SPATA13: variants seen among roughly 807,000 people sequenced by gnomAD.
SPATA13 encodes spermatogenesis associated 13.
A neutral mutation model predicts 104.0 loss-of-function variants in SPATA13; 50 were observed. The observed-to-expected ratio is 0.48, with a 90% CI of 0.38 to 0.61. The LOEUF (loss-of-function observed/expected upper bound fraction) is 0.61, where lower values mean the gene tolerates loss of function less well. Among genes scored for constraint, SPATA13 ranks in the 20% least tolerant of loss-of-function variants. The pLI is 0.00. For synonymous variants in SPATA13, 606 were observed against 667.5 expected, an observed-to-expected ratio of 0.91 and a Z score of 1.42; for missense variants, 1,524 against 1,690.6, an observed-to-expected ratio of 0.90 and a Z score of 1.73.
intron 3 of SPATA13, among the ~76,000 whole-genome samples, chr13:24,084,157 C>T (rs557439549): frequency 1.1e-4 from 17 of 152,258 alleles, no homozygotes; most frequent in East Asian, 9.6e-4. Context: ...AATTATCTTC[C>T]GTAACTTAGC....
At chr13:24,185,723 AG>A (rs1869101683) in intron 1 of SPATA13, among the ~76,000 whole-genome samples, 1 of 90,574 alleles carries the variant, frequency 1.1e-5, no homozygotes, top group African/African-American at 3.5e-5. Context: ...AAATAGATGC[AG>A]TTTTTTTTTT....
rs74040654 is a variant in SPATA13, at chr13:24,284,935, A to G, written c.2301+664A>G. On this transcript the variant is annotated intron_variant, in intron 5 of 12. Transcript: ENST00000382108. ...AAGATGTCTAATTACTGGCTGGCGA[A>G]TGGCAGAGCTGGAGGCACCCATGTA... 7.0e-3 allele frequency among the ~76,000 whole-genome samples: 1,072 copies of G among 152,284 alleles called. 14 individuals carry two copies. The highest frequency in any genetic ancestry group is 0.025 in the African/African-American group (1,030 of 41,564).
intron 1 of SPATA13, among the ~76,000 whole-genome samples, chr13:24,206,123 C>T (rs904046551): frequency 2.2e-4 from 33 of 152,080 alleles, no homozygotes; most frequent in Admixed American, 5.9e-4. Context: ...AAGAAACCAA[C>T]AGTGTGAAGA....
intron 12 of SPATA13, among the ~76,000 whole-genome samples, chr13:24,301,045 G>A (rs564929038): frequency 6.6e-6 from 1 of 152,228 alleles, no homozygotes; most frequent in South Asian, 2.1e-4. Flanking sequence ...CAAAAATGCT[G>A]ATGCCCAGGC....
At chr13:24,114,386 T>C (rs1190154009) in intron 3 of SPATA13, among the ~76,000 whole-genome samples, 1 of 152,160 alleles carries the variant, frequency 6.6e-6, no homozygotes, top group Non-Finnish European at 1.5e-5. Context: ...CACATGCGCG[T>C]GTGTGTGCAT....
chr13:24,223,694 G>T lies in SPATA13; in HGVS notation c.765G>T (p.Thr255=). ...TGGGCTACAGGAGGAGCAAGAGCAC[G>T]GACAATCTTGCCTTTCTGAAGAAGA... ...NSMGYRRSKS[T]DNLAFLKKSS... is the part of the protein sequence containing the mutation. Residue 255 remains threonine (T), a synonymous_variant, in exon 2 of 13, where the codon ACG becomes ACT. Coordinates refer to ENST00000382108, the MANE Select transcript of SPATA13 (RefSeq NM_001166271.3). 6.4e-7 allele frequency: 1 copy of T among 1,552,172 alleles called. No individual in the cohort carries two copies. The highest frequency in any genetic ancestry group is 8.7e-7 in the Non-Finnish European group (1 of 1,147,102).
At chr13:24,114,358 T>C (rs189640747) in intron 3 of SPATA13, among the ~76,000 whole-genome samples, 17 of 148,824 alleles carry the variant, frequency 1.1e-4, no homozygotes, top group East Asian at 2.0e-4. Flanking sequence ...AGTGTGCACG[T>C]GTGTGCCTGC....
intron 1 of SPATA13, among the ~76,000 whole-genome samples, chr13:23,982,534 A>C (rs993812696): frequency 1.2e-4 from 19 of 152,326 alleles, no homozygotes; most frequent in African/African-American, 4.3e-4. Context: ...TATAGATACT[A>C]TCCTGAGTCA....
chr13:24,279,298 A>G (rs1875306609), intron 4 of SPATA13, among the ~76,000 whole-genome samples: 1 of 152,196 alleles, frequency 6.6e-6, no homozygotes, highest in Non-Finnish European at 1.5e-5. Context: ...CTTTGCAGCC[A>G]AGAGCCCATT....
In SPATA13 at chr13:24,092,930, A is replaced by G. The variant is rs184077016; in HGVS notation, c.-112+75229A>G. On this transcript the variant is annotated intron_variant, in intron 3 of 14. Coordinates refer to the SPATA13 transcript ENST00000424834. Reference sequence around the variant, plus strand: ...TAAGTTGAATGTTTTGGTGTTTGGCATCTTCTCATTAACGTTGCAGATGAC... The same window carrying G: ...TAAGTTGAATGTTTTGGTGTTTGGCGTCTTCTCATTAACGTTGCAGATGAC... Among the ~76,000 whole-genome samples the G allele has an allele frequency of 3.1e-3, 466 of 152,330 alleles. 4 individuals are homozygous for G. The highest frequency in any genetic ancestry group is 0.011 in the African/African-American group (439 of 41,570).
At chr13:24,058,551 T>A (rs1878655415) in intron 3 of SPATA13, among the ~76,000 whole-genome samples, 1 of 151,884 alleles carries the variant, frequency 6.6e-6, no homozygotes, top group Admixed American at 6.6e-5. Context: ...AATAATTGAT[T>A]ACCTGATTGG....
chr13:24,193,315 G>C (rs987327013), intron 1 of SPATA13, among the ~76,000 whole-genome samples: 1 of 152,144 alleles, frequency 6.6e-6, no homozygotes, highest in African/African-American at 2.4e-5. Context: ...AGGTGAGGGT[G>C]GGGGAGAGAG....
At chr13:24,023,297 G>C (rs907033066) in intron 3 of SPATA13, among the ~76,000 whole-genome samples, 1 of 152,138 alleles carries the variant, frequency 6.6e-6, no homozygotes, top group Non-Finnish European at 1.5e-5. Flanking sequence ...TCCATGGTGT[G>C]TATGCAAATA....
intron 3 of SPATA13, among the ~76,000 whole-genome samples, chr13:24,089,145 G>A (rs8002868): frequency 0.04 from 6,082 of 152,234 alleles, 377 homozygotes; most frequent in African/African-American, 0.14. Context: ...AGGGAATAAC[G>A]GAAGCACACG....
intron 10 of SPATA13, among the ~76,000 whole-genome samples, chr13:24,297,088 G>C (rs943964719): frequency 6.6e-6 from 1 of 152,152 alleles, no homozygotes; most frequent in Non-Finnish European, 1.5e-5. Flanking sequence ...CCTCAGGCTG[G>C]AGTGTACTGG....
At chr13:24,119,159 G>A (rs1203511826) in intron 3 of SPATA13, among the ~76,000 whole-genome samples, 1 of 151,894 alleles carries the variant, frequency 6.6e-6, no homozygotes, top group Admixed American at 6.6e-5. Flanking sequence ...TGCCCGCCTC[G>A]GCCTCCCAAA....
chr13:24,200,446 A>G (rs1870329422), intron 1 of SPATA13, among the ~76,000 whole-genome samples: 2 of 152,138 alleles, frequency 1.3e-5, no homozygotes, highest in Non-Finnish European at 2.9e-5. Context: ...CCATGTATGC[A>G]CTGCGCAACC....
chr13:24,136,278 A>G (rs769921650), intron 3 of SPATA13, among the ~76,000 whole-genome samples: 2 of 152,098 alleles, frequency 1.3e-5, no homozygotes, highest in Non-Finnish European at 2.9e-5. Flanking sequence ...GGAGTTTGAG[A>G]CCAGCCTGAG....
At chr13:24,125,019 G>A (rs1426957725) in intron 3 of SPATA13, among the ~76,000 whole-genome samples, 3 of 152,222 alleles carry the variant, frequency 2.0e-5, no homozygotes, top group Non-Finnish European at 4.4e-5. Flanking sequence ...AAACATTAGA[G>A]AATGTCAGGC....
Sources: allele counts gnomAD v4.1 joint callset (sites outside exome capture counted in the v4.1 genomes callset), GRCh38; gene constraint gnomAD v4.1.1; transcripts MANE v1.5; gene names NCBI Gene and HGNC (gene_info 2026-07-23, HGNC 2026-07-21).